SORBS2: variants seen among roughly 807,000 people sequenced by gnomAD.
SORBS2 encodes sorbin and SH3 domain containing 2, also known as sorbin and SH3 domain-containing protein 2.
A neutral mutation model predicts 97.7 loss-of-function variants in SORBS2; 46 were observed. The observed-to-expected ratio is 0.47, with a 90% CI of 0.37 to 0.60. The LOEUF (loss-of-function observed/expected upper bound fraction) is 0.60, where lower values mean the gene tolerates loss of function less well. Ranked by LOEUF, SORBS2 falls within the 20% of genes least tolerant of loss-of-function variation. SORBS2 has a pLI of 0.00. For missense variants in SORBS2, 1,316 were observed against 1,282.3 expected (o/e 1.03, Z -0.40); for synonymous variants, 476 against 473.4 (o/e 1.01, Z -0.07).
chr4:185,876,878 A>G (rs553266916), intron 1 of SORBS2, among the ~76,000 whole-genome samples: 55 of 152,376 alleles, frequency 3.6e-4, no homozygotes, highest in Middle Eastern at 3.4e-3. Context: ...AGTATATGAT[A>G]AAACTATTCA....
At chr4:185,655,326 G>A (rs897623269) in intron 1 of SORBS2, among the ~76,000 whole-genome samples, 3 of 152,174 alleles carry the variant, frequency 2.0e-5, no homozygotes, top group Non-Finnish European at 4.4e-5. Flanking sequence ...ACCGCCTTTG[G>A]CAAATACACT....
intron 1 of SORBS2, among the ~76,000 whole-genome samples, chr4:185,900,674 T>C (rs569297846): frequency 7.2e-5 from 11 of 152,286 alleles, no homozygotes; most frequent in Non-Finnish European, 1.5e-4. Flanking sequence ...TATTTTTCTA[T>C]TTGCAAAATG....
intron 1 of SORBS2, among the ~76,000 whole-genome samples, chr4:185,881,064 G>C (rs1403113516): frequency 6.6e-6 from 1 of 152,176 alleles, no homozygotes; most frequent in Admixed American, 6.5e-5. Flanking sequence ...CTGAGCAAAA[G>C]CTTGGATTTA....
intron 2 of SORBS2, among the ~76,000 whole-genome samples, chr4:185,756,076 G>A (rs887861418): frequency 6.6e-5 from 10 of 152,326 alleles, no homozygotes; most frequent in South Asian, 2.1e-4. Flanking sequence ...TAGTATGCAA[G>A]TGATCTGGAC....
intron 1 of SORBS2, among the ~76,000 whole-genome samples, chr4:185,812,406 C>T (rs2099188278): frequency 6.6e-6 from 1 of 152,214 alleles, no homozygotes; most frequent in South Asian, 2.1e-4. Context: ...TGTTATCTTT[C>T]TACACATTTC....
At chr4:185,793,453 G>A (rs1423268854) in intron 1 of SORBS2, among the ~76,000 whole-genome samples, 4 of 152,228 alleles carry the variant, frequency 2.6e-5, no homozygotes, top group Admixed American at 6.5e-5. Context: ...ATACAAGAGT[G>A]TGTTTGTTAT....
At chr4:185,797,936 A>G (rs975008223) in intron 1 of SORBS2, among the ~76,000 whole-genome samples, 5 of 152,010 alleles carry the variant, frequency 3.3e-5, no homozygotes, top group Admixed American at 1.3e-4. Context: ...GGTCAGTCAC[A>G]CTCTACTCTG....
intron 4 of SORBS2, among the ~76,000 whole-genome samples, chr4:185,641,445 C>A (rs1199613061): frequency 6.6e-6 from 1 of 152,020 alleles, no homozygotes; most frequent in Non-Finnish European, 1.5e-5. Context: ...TTAAGTCATG[C>A]AATAATTAAA....
chr4:185,705,689 C>A (rs2098333069), intron 2 of SORBS2, among the ~76,000 whole-genome samples: 1 of 152,130 alleles, frequency 6.6e-6, no homozygotes, highest in Admixed American at 6.5e-5. Flanking sequence ...ATATTATTTA[C>A]CCAGTGAATA....
intron 4 of SORBS2, chr4:185,666,340 G>A (rs1582227070): frequency 5.1e-6 from 2 of 393,718 alleles, no homozygotes; most frequent in African/African-American, 4.2e-5. Flanking sequence ...AGATGGGTTA[G>A]GTGCCAACCA....
intron 4 of SORBS2, among the ~76,000 whole-genome samples, chr4:185,638,626 T>C (rs566485547): frequency 6.6e-6 from 1 of 151,372 alleles, no homozygotes; most frequent in South Asian, 2.1e-4. Context: ...CTGCAGACAA[T>C]TCACTCGGGT....
At chr4:185,611,841 G>A (rs548607936) in exon 12 of SORBS2, 1 of 1,614,106 alleles carries the variant, frequency 6.2e-7, no homozygotes, top group African/African-American at 1.3e-5. Context: ...TGGAGGGTCA[G>A]GGTAGTCCTC....
chr4:185,846,306 A>C (rs2099214499), intron 1 of SORBS2, among the ~76,000 whole-genome samples: 1 of 152,242 alleles, frequency 6.6e-6, no homozygotes, highest in Non-Finnish European at 1.5e-5. Context: ...CAAAAGACTA[A>C]GTATTGCATG....
chr4:185,944,969 A>G (rs2099273858), intron 1 of SORBS2, among the ~76,000 whole-genome samples: 1 of 152,224 alleles, frequency 6.6e-6, no homozygotes, highest in South Asian at 2.1e-4. Context: ...GAAAAAGAAC[A>G]CTAATATCAA....
chr4:185,703,492 A>T (rs952879854), intron 2 of SORBS2, among the ~76,000 whole-genome samples: 2 of 152,222 alleles, frequency 1.3e-5, no homozygotes, highest in Non-Finnish European at 2.9e-5. Flanking sequence ...AGGAAAAAAA[A>T]CTAAAAGATC....
intron 1 of SORBS2, among the ~76,000 whole-genome samples, chr4:185,954,541 T>C (rs568074482): frequency 6.6e-6 from 1 of 152,238 alleles, no homozygotes; most frequent in Non-Finnish European, 1.5e-5. Context: ...ATTGATGTTG[T>C]CACAGAGGCG....
At chr4:185,813,052 C>T (rs1363625667) in intron 1 of SORBS2, 2 of 152,206 alleles carry the variant, frequency 1.3e-5, no homozygotes, top group African/African-American at 4.8e-5. Context: ...ATGCCATGAA[C>T]AACGTAAATC....
Position 185,817,975 on chromosome 4 carries a change from G to A in SORBS2, c.-337-42609C>T, listed in dbSNP as rs146080540. Among the ~76,000 whole-genome samples the A allele has an allele frequency of 7.6e-4, 116 of 152,202 alleles. 1 individual carries two copies. Among genetic ancestry groups the A allele is most frequent in the Non-Finnish European group, 3.1e-4 (21 of 68,024 alleles). The stretch of plus-strand genomic sequence containing the variant: ...TCAGGTACACGTTTTAGGATCCAAC[G>A]GTCCAACAACAAGTGGAAAATACTG... On this transcript the variant is annotated intron_variant, in intron 1 of 20. Transcript: ENST00000284776.
chr4:185,827,141 CCATTGCCATCAT>C (rs2099200633), intron 1 of SORBS2, among the ~76,000 whole-genome samples: 1 of 91,276 alleles, frequency 1.1e-5, no homozygotes, highest in African/African-American at 4.1e-5. Context: ...ATCATCATCA[CCATTGCCATCAT>C]CATCATCACC....
Sources: gnomAD v4.1 joint callset for allele counts (sites outside exome capture counted in the v4.1 genomes callset) on GRCh38, gnomAD v4.1.1 for gene constraint, MANE v1.5 for transcripts, NCBI Gene and HGNC (gene_info 2026-07-23, HGNC 2026-07-21) for gene names.